FOXN3: variants seen among roughly 807,000 people sequenced by gnomAD.
FOXN3 encodes forkhead box protein N3.
In FOXN3, 7 loss-of-function variants were observed where a neutral mutation model predicts 38.4. That is an observed-to-expected ratio of 0.18 (90% confidence interval 0.10 to 0.34). The LOEUF (loss-of-function observed/expected upper bound fraction) is 0.34. Ranked by LOEUF, FOXN3 falls within the 10% of genes least tolerant of loss-of-function variation. The probability of loss-of-function intolerance (pLI) is 1.00; values close to 1 mark genes in which losing one functional copy is unlikely to be tolerated. For synonymous variants in FOXN3, 230 were observed against 242.2 expected, an observed-to-expected ratio of 0.95 and a Z score of 0.47; for missense variants, 456 against 613.4, an observed-to-expected ratio of 0.74 and a Z score of 2.71.
chr14:89,546,403 C>T (rs1163338090), intron 1 of FOXN3, among the ~76,000 whole-genome samples: 1 of 126,194 alleles, frequency 7.9e-6, no homozygotes, highest in East Asian at 2.3e-4. Context: ...AATCTCGGCT[C>T]GCTGCAAGCT....
chr14:89,327,950 C>T (rs1328701912), intron 3 of FOXN3, among the ~76,000 whole-genome samples: 1 of 152,192 alleles, frequency 6.6e-6, no homozygotes, highest in Non-Finnish European at 1.5e-5. Context: ...CACAGCTAAT[C>T]AGGGCCAGTG....
At chr14:89,482,358 C>T (rs1893349982) in intron 1 of FOXN3, among the ~76,000 whole-genome samples, 1 of 152,220 alleles carries the variant, frequency 6.6e-6, no homozygotes, top group South Asian at 2.1e-4. Context: ...CATTGGCTCA[C>T]ACCTGTAATC....
intron 5 of FOXN3, among the ~76,000 whole-genome samples, chr14:89,169,144 A>T (rs1241562346): frequency 1.3e-5 from 2 of 152,330 alleles, no homozygotes; most frequent in African/African-American, 4.8e-5. Flanking sequence ...AGAAATGATC[A>T]GTACAGAAAA....
chr14:89,182,103 T>A (rs934689751), intron 4 of FOXN3, among the ~76,000 whole-genome samples: 1 of 152,108 alleles, frequency 6.6e-6, no homozygotes, highest in African/African-American at 2.4e-5. Context: ...AATTATGTAT[T>A]CCAAAATGAA....
At chr14:89,469,160 C>T (rs966551795) in intron 1 of FOXN3, among the ~76,000 whole-genome samples, 19 of 152,210 alleles carry the variant, frequency 1.2e-4, no homozygotes, top group Non-Finnish European at 2.2e-4. Context: ...GGTCCCCTAA[C>T]TGGCTTCAAG....
At chr14:89,513,094 C>T (rs1248287198) in intron 1 of FOXN3, among the ~76,000 whole-genome samples, 3 of 145,966 alleles carry the variant, frequency 2.1e-5, no homozygotes, top group Non-Finnish European at 4.5e-5. Flanking sequence ...GAGCCGAGAT[C>T]GCGCCACTGC....
chr14:89,506,727 G>A (rs915382222), intron 1 of FOXN3, among the ~76,000 whole-genome samples: 3 of 152,194 alleles, frequency 2.0e-5, no homozygotes, highest in South Asian at 2.1e-4. Flanking sequence ...GATGGTTGCC[G>A]TGTCTGTGTA....
intron 3 of FOXN3, among the ~76,000 whole-genome samples, chr14:89,330,278 G>A (rs1479428612): frequency 4.6e-5 from 7 of 152,278 alleles, no homozygotes; most frequent in Middle Eastern, 3.4e-3. Flanking sequence ...TAGAGCCAGC[G>A]GTAGACTCCT....
chr14:89,610,762 A>C (rs1302479983), intron 1 of FOXN3, among the ~76,000 whole-genome samples: 1 of 152,216 alleles, frequency 6.6e-6, no homozygotes, highest in Non-Finnish European at 1.5e-5. Flanking sequence ...TCCCTATCAT[A>C]GGGCACAGTT....
At chr14:89,468,563 T>C (rs1893030189) in intron 1 of FOXN3, among the ~76,000 whole-genome samples, 1 of 152,224 alleles carries the variant, frequency 6.6e-6, no homozygotes, top group Non-Finnish European at 1.5e-5. Context: ...ATAACTTGAC[T>C]GTGCCTCAGC....
chr14:89,445,619 G>A lies in FOXN3; in HGVS notation c.-14-33129C>T, dbSNP rs551142124. On this transcript the variant is annotated intron_variant, in intron 1 of 6. Transcript: ENST00000345097. ...CAGCCTGGCTGCTGTCCTGCCTCCT[G>A]GGGAAAACTCCAGGCCTTTTCACAC... 2.6e-5 allele frequency among the ~76,000 whole-genome samples: 4 copies of A among 152,232 alleles called. No homozygotes were observed. The South Asian group carries it at 6.2e-4, about 24-fold the overall frequency.
intron 4 of FOXN3, among the ~76,000 whole-genome samples, chr14:89,242,561 T>A (rs1885172088): frequency 6.6e-6 from 1 of 152,132 alleles, no homozygotes; most frequent in Non-Finnish European, 1.5e-5. Flanking sequence ...ATAATAACGA[T>A]ACCACTAAAG....
chr14:89,257,504 C>T (rs184009278), intron 4 of FOXN3, among the ~76,000 whole-genome samples: 3 of 152,298 alleles, frequency 2.0e-5, no homozygotes, highest in African/African-American at 4.8e-5. Context: ...CTGTATAATC[C>T]GATCCTGTGG....
At chr14:89,604,715 G>T (rs896289532) in intron 1 of FOXN3, among the ~76,000 whole-genome samples, 6 of 152,196 alleles carry the variant, frequency 3.9e-5, no homozygotes, top group Admixed American at 1.3e-4. Flanking sequence ...ATACAAATAA[G>T]TTGACATCTG....
At chr14:89,322,804 T>G (rs1422157435) in intron 3 of FOXN3, among the ~76,000 whole-genome samples, 1 of 151,934 alleles carries the variant, frequency 6.6e-6, no homozygotes, top group Non-Finnish European at 1.5e-5. Context: ...AGTTAGAAGG[T>G]CATCCATCCA....
chr14:89,553,294 G>A (rs1250065833), intron 1 of FOXN3, among the ~76,000 whole-genome samples: 1 of 151,102 alleles, frequency 6.6e-6, no homozygotes, highest in African/African-American at 2.4e-5. Context: ...CTGGTGTGGG[G>A]GGCTACATTT....
At chr14:89,360,799 CCTCCAG>C (rs1221489023) in intron 2 of FOXN3, among the ~76,000 whole-genome samples, 6 of 116,566 alleles carry the variant, frequency 5.1e-5, no homozygotes, top group East Asian at 5.1e-4. Flanking sequence ...ACCACCACCA[CCTCCAG>C]CACCACCTCC....
At chr14:89,613,427 G>C (rs1260201645) in intron 1 of FOXN3, among the ~76,000 whole-genome samples, 1 of 152,146 alleles carries the variant, frequency 6.6e-6, no homozygotes, top group African/African-American at 2.4e-5. Context: ...GGTTCTGTTG[G>C]TTACACACTC....
intron 1 of FOXN3, among the ~76,000 whole-genome samples, chr14:89,613,334 AAAAG>A (rs1436465310): frequency 1.3e-5 from 2 of 152,094 alleles, no homozygotes; most frequent in Non-Finnish European, 2.9e-5. Context: ...CTTCAGTTCA[AAAAG>A]AAAGTCCCCC....
Sources: gnomAD v4.1 joint callset for allele counts (sites outside exome capture counted in the v4.1 genomes callset) on GRCh38, gnomAD v4.1.1 for gene constraint, MANE v1.5 for transcripts, NCBI Gene and HGNC (gene_info 2026-07-23, HGNC 2026-07-21) for gene names.